Variants in SLC24A2 observed in about 807,000 individuals in gnomAD.
The protein encoded by SLC24A2 is solute carrier family 24 member 2.
SLC24A2 carries 36 observed loss-of-function variants against 62.0 expected under a neutral mutation model. The observed-to-expected ratio is 0.58, with a 90% CI of 0.44 to 0.77. The LOEUF is 0.77. Ranked by LOEUF, SLC24A2 falls within the 30% of genes least tolerant of loss-of-function variation. The pLI is 0.00. For missense variants in SLC24A2, 846 were observed against 817.9 expected (o/e 1.03, Z -0.42); for synonymous variants, 358 against 294.0 (o/e 1.22, Z -2.23).
the SLC24A2 span, among the ~76,000 whole-genome samples, chr9:19,794,874 CA>C: frequency 3.2e-3 from 480 of 150,070 alleles, 3 homozygotes; most frequent in African/African-American, 0.01. Context: ...CTTTATGACT[CA>C]AAAAAAAAAA....
At chr9:19,938,963 T>C in the SLC24A2 span, among the ~76,000 whole-genome samples, 1 of 152,150 alleles carries the variant, frequency 6.6e-6, no homozygotes, top group African/African-American at 2.4e-5. Flanking sequence ...ATCTTACAAA[T>C]AGGCAATAAA....
At position 19,543,521 on chromosome 9, in the gene SLC24A2, G is replaced by A. The variant is rs553759839; in HGVS notation, c.1479+6616C>T. ...CTTCTCTAGTTCTTTTAATTTTGAT[G>A]TTAGGGTGTCGATTTTAGATCTTTT... On this transcript the variant is annotated intron_variant, in intron 8 of 10. Coordinates refer to ENST00000341998, the MANE Select transcript of SLC24A2 (RefSeq NM_020344.4). 8.6e-5 allele frequency among the ~76,000 whole-genome samples: 13 copies of A among 151,942 alleles called. No individual in the cohort carries two copies. In the East Asian group the frequency reaches 1.9e-3, roughly 23 times the overall value.
the SLC24A2 span, among the ~76,000 whole-genome samples, chr9:20,132,474 G>A: frequency 6.6e-6 from 1 of 151,994 alleles, no homozygotes; most frequent in Non-Finnish European, 1.5e-5. Flanking sequence ...GGTTTTTTGG[G>A]GCCATGATAC....
the SLC24A2 span, among the ~76,000 whole-genome samples, chr9:20,214,149 G>C: frequency 2.0e-5 from 3 of 152,154 alleles, no homozygotes; most frequent in African/African-American, 7.2e-5. Flanking sequence ...ACTATGAATA[G>C]TGCTTCAATG....
chr9:20,195,928 C>G, the SLC24A2 span, among the ~76,000 whole-genome samples: 1 of 151,922 alleles, frequency 6.6e-6, no homozygotes, highest in Non-Finnish European at 1.5e-5. Context: ...AAGAAAAAGT[C>G]AGAGACAACT....
chr9:19,705,743 T>C (rs1820495167), intron 2 of SLC24A2: 1 of 154,936 alleles, frequency 6.5e-6, no homozygotes, highest in Non-Finnish European at 1.5e-5. Context: ...TTGAGCGGTT[T>C]TGAATGAGTT....
the SLC24A2 span, among the ~76,000 whole-genome samples, chr9:20,208,925 C>T: frequency 1.3e-5 from 2 of 152,172 alleles, no homozygotes; most frequent in Admixed American, 6.5e-5. Flanking sequence ...CAGTCAGCAA[C>T]GTGGATCTAG....
intron 2 of SLC24A2, among the ~76,000 whole-genome samples, chr9:19,756,872 G>C (rs1452111152): frequency 7.3e-6 from 1 of 137,880 alleles, no homozygotes. Flanking sequence ...TATAAAACTA[G>C]AGCTTGATAT....
chr9:20,306,021 A>G, the SLC24A2 span, among the ~76,000 whole-genome samples: 6 of 152,120 alleles, frequency 3.9e-5, no homozygotes, highest in Admixed American at 3.9e-4. Flanking sequence ...GCCTACTCCA[A>G]TGACTTCGGT....
chr9:20,075,394 A>G, the SLC24A2 span, among the ~76,000 whole-genome samples: 3 of 152,206 alleles, frequency 2.0e-5, no homozygotes, highest in East Asian at 5.8e-4. Flanking sequence ...AGTTAGCAGC[A>G]AAGTTCAAAT....
intron 2 of SLC24A2, among the ~76,000 whole-genome samples, chr9:19,688,968 A>G (rs1416241439): frequency 1.3e-5 from 2 of 152,174 alleles, no homozygotes; most frequent in Non-Finnish European, 2.9e-5. Flanking sequence ...GATTCTATGA[A>G]ACAGATTAAT....
chr9:20,062,630 A>C, the SLC24A2 span, among the ~76,000 whole-genome samples: 1 of 140,938 alleles, frequency 7.1e-6, no homozygotes, highest in South Asian at 2.5e-4. Context: ...CAAAAGCCAA[A>C]ATTGACAAAT....
At chr9:20,137,610 C>T in the SLC24A2 span, among the ~76,000 whole-genome samples, 3 of 152,168 alleles carry the variant, frequency 2.0e-5, no homozygotes, top group African/African-American at 7.2e-5. Context: ...GAACTCATGG[C>T]TTCTATTCCT....
At chr9:19,883,660 G>A in the SLC24A2 span, among the ~76,000 whole-genome samples, 2 of 151,980 alleles carry the variant, frequency 1.3e-5, no homozygotes, top group East Asian at 3.9e-4. Context: ...CCGCCTCCTG[G>A]GTTCAAGCCA....
the SLC24A2 span, among the ~76,000 whole-genome samples, chr9:19,831,164 A>G: frequency 6.6e-6 from 1 of 152,162 alleles, no homozygotes; most frequent in Non-Finnish European, 1.5e-5. Flanking sequence ...ATACTATTGC[A>G]TTGGGGATTA....
rs1045023023 is a variant in SLC24A2 at position 19,513,190 on chromosome 9, A to G, written c.*2963T>C. Reference sequence around the variant, plus strand: ...TATATATATATGTATATATATATATATGTATATATTTATATATGTATATAC... The same window carrying G: ...TATATATATATGTATATATATATATGTGTATATATTTATATATGTATATAC... On this transcript the variant is annotated 3_prime_UTR_variant, in exon 11 of 11. Coordinates refer to ENST00000341998, the MANE Select transcript of SLC24A2 (RefSeq NM_020344.4). The G allele has an allele frequency of 3.5e-5, 5 of 142,356 alleles. 1 individual carries two copies. Among genetic ancestry groups the G allele is most frequent in the African/African-American group, 1.3e-4 (5 of 37,428 alleles). 8.8% of individuals were successfully genotyped at this position (142,356 alleles called of 1,614,324 possible).
intron 5 of SLC24A2, among the ~76,000 whole-genome samples, chr9:19,591,813 T>C (rs749009753): frequency 2.0e-5 from 3 of 152,202 alleles, no homozygotes; most frequent in Non-Finnish European, 2.9e-5. Flanking sequence ...TAAACTTCCA[T>C]CTTATTTAAG....
the SLC24A2 span, among the ~76,000 whole-genome samples, chr9:20,128,202 A>C: frequency 2.0e-5 from 3 of 152,174 alleles, no homozygotes; most frequent in Non-Finnish European, 2.9e-5. Context: ...AAATAAATAC[A>C]TACTATAGTC....
At chr9:20,245,461 A>G in the SLC24A2 span, among the ~76,000 whole-genome samples, 1 of 152,178 alleles carries the variant, frequency 6.6e-6, no homozygotes, top group Admixed American at 6.5e-5. Context: ...GTATGGGTAG[A>G]GCATGGCGAC....
Sources: gnomAD v4.1 joint callset for allele counts (sites outside exome capture counted in the v4.1 genomes callset) on GRCh38, gnomAD v4.1.1 for gene constraint, MANE v1.5 for transcripts, NCBI Gene and HGNC (gene_info 2026-07-23, HGNC 2026-07-21) for gene names.